FBXO33: variants seen among roughly 807,000 people sequenced by gnomAD.
The protein encoded by FBXO33 is F-box only protein 33.
FBXO33 carries 22 observed loss-of-function variants against 46.3 expected under a neutral mutation model. The observed-to-expected ratio is 0.48, with a 90% CI of 0.34 to 0.68. The LOEUF (loss-of-function observed/expected upper bound fraction) is 0.68. FBXO33 is among the 30% of genes least tolerant of loss of function. The pLI, the probability that FBXO33 is intolerant of heterozygous loss-of-function variation, is 0.01. For missense variants in FBXO33, 692 were observed against 708.8 expected (o/e 0.98, Z 0.27); for synonymous variants, 337 against 291.3 (o/e 1.16, Z -1.60).
rs58903755 is a variant in FBXO33 at position 39,402,677 on chromosome 14, A to AT, written c.600-167dup. On this transcript the variant is annotated intron_variant, in intron 1 of 3. Coordinates refer to ENST00000298097, the MANE Select transcript of FBXO33 (RefSeq NM_203301.4). ...CAGATTGCTTTATACATATATTCAGATTTTTTTTTTTTTTTTTTTTTTTGA... is the reference window on the plus strand; with the variant it reads ...CAGATTGCTTTATACATATATTCAGATTTTTTTTTTTTTTTTTTTTTTTTGA... Among the ~76,000 whole-genome samples, 461 of 82,928 alleles carry AT rather than the reference A, an allele frequency of 5.6e-3. 9 individuals carry two copies. The highest frequency in any genetic ancestry group is 0.041 in the East Asian group (114 of 2,772). The allele number at this position is 82,928 out of a possible 152,430, so 54.4% of individuals were successfully genotyped here. A position where few individuals can be genotyped will look rare whatever the true frequency, so the allele number is the denominator to read the frequency against.
intron 1 of FBXO33, among the ~76,000 whole-genome samples, chr14:39,414,025 T>C: frequency 6.6e-6 from 1 of 152,220 alleles, no homozygotes; most frequent in East Asian, 1.9e-4. Context: ...CTTTTGACGC[T>C]TTTAAAGTCA....
Position 39,432,071 on chromosome 14 carries a change from C to CGCA in FBXO33, c.89_91dup (p.Leu30dup). 8.0e-7 allele frequency: 1 copy of CGCA among 1,243,790 alleles called. No individual in the cohort carries two copies. Among genetic ancestry groups the CGCA allele is most frequent in the African/African-American group, 1.6e-5 (1 of 64,114 alleles). The allele number at this position is 1,243,790 out of a possible 1,614,324, so 77.0% of individuals were successfully genotyped here. ...CCGCAGCCGTCGCAGCTGCTGCAGC[C>CGCA]GCAGCCGCCGCCACCGCGCCACCCG... On this transcript the variant is annotated inframe_insertion, in exon 1 of 4. Coordinates refer to ENST00000298097, the MANE Select transcript of FBXO33 (RefSeq NM_203301.4).
rs749738165 is a variant in FBXO33, at chr14:39,401,410, G to A, written c.1162C>T (p.Leu388=). The A allele has an allele frequency of 6.2e-6, 10 of 1,614,038 alleles. No homozygotes were observed. The highest frequency in any genetic ancestry group is 8.5e-6 in the Non-Finnish European group (10 of 1,180,022). ...DIKSEDMLKI[L]KPSIPLERIH... is the part of the protein sequence containing the mutation. ...CTCTCTAGTGGTATACTGGGTTTCA[G>A]AATCTTTAACATATCTTCACTCTTG... is the stretch of plus-strand genomic sequence containing the variant. The change falls in exon 3 of 4, where the codon CTG becomes TTG. Residue 388 remains leucine (L), a synonymous_variant. Transcript: ENST00000298097.
chr14:39,407,943 C>G (rs752386485), intron 1 of FBXO33, among the ~76,000 whole-genome samples: 14 of 152,160 alleles, frequency 9.2e-5, no homozygotes, highest in Admixed American at 2.0e-4. Context: ...TACATCCTCA[C>G]AAATGTCTAT....
At chr14:39,413,387 C>T (rs552876699) in intron 1 of FBXO33, among the ~76,000 whole-genome samples, 130 of 152,330 alleles carry the variant, frequency 8.5e-4, no homozygotes, top group African/African-American at 3.0e-3. Context: ...ATTTTCACCA[C>T]ATCTACAGTG....
chr14:39,431,803 C>A lies in FBXO33; in HGVS notation c.360G>T (p.Ala120=), dbSNP rs748297357. Residue 120 remains alanine, a synonymous_variant, in exon 1 of 4, where the codon GCG becomes GCT. Coordinates refer to ENST00000298097, the MANE Select transcript of FBXO33 (RefSeq NM_203301.4). ...TGAGGAATTCCAGCCGAGGCTGCTCCGCGGGCGAGACGCGGAGGCAGATGC... is the reference window on the plus strand; with the variant it reads ...TGAGGAATTCCAGCCGAGGCTGCTCAGCGGGCGAGACGCGGAGGCAGATGC... ...QLRICLRVSP[A]EQPRLEFLMR... The A allele has an allele frequency of 6.2e-7, 1 of 1,611,480 alleles. No homozygotes were observed. The highest frequency in any genetic ancestry group is 1.3e-5 in the African/African-American group (1 of 74,938).
intron 1 of FBXO33, among the ~76,000 whole-genome samples, chr14:39,421,931 T>C (rs1340271736): frequency 6.6e-6 from 1 of 152,212 alleles, no homozygotes; most frequent in Non-Finnish European, 1.5e-5. Context: ...TAATTCTTTG[T>C]ACTTTATTCC....
At chr14:39,419,487 A>C (rs1258378089) in intron 1 of FBXO33, among the ~76,000 whole-genome samples, 1 of 152,188 alleles carries the variant, frequency 6.6e-6, no homozygotes, top group Non-Finnish European at 1.5e-5. Context: ...GATAGTAAAG[A>C]GACTGAGAAG....
rs2075553954 is a variant in FBXO33 at position 39,431,669 on chromosome 14, C to G, written c.494G>C (p.Gly165Ala). Residue 165 changes from glycine (G) to alanine (A), a missense_variant, in exon 1 of 4, where the codon GGA becomes GCA. Gly to Ala is a moderately conservative substitution (Grantham distance 60). Around this residue, in one of 3 missense-constraint regions of FBXO33, gnomAD observed 412 missense variants for 370.8 expected, o/e 1.11. Transcript: ENST00000298097. Reference sequence around the variant, plus strand: ...CTGCAGGGCCTCGACTTCCTCCCCTCCAGTCCCGGTGTCCGCGCCACCTCC... The same window carrying G: ...CTGCAGGGCCTCGACTTCCTCCCCTGCAGTCCCGGTGTCCGCGCCACCTCC... ...GDGGGADTGT[G>A]GEEVEALQLS... 6.2e-7 allele frequency: 1 copy of G among 1,613,620 alleles called. No homozygotes were observed. The highest frequency in any genetic ancestry group is 1.3e-5 in the African/African-American group (1 of 75,062).
rs767265944 is a variant in FBXO33 at position 39,398,369 on chromosome 14, T to C, written c.*1147A>G. On this transcript the variant is annotated 3_prime_UTR_variant, in exon 4 of 4. Coordinates refer to ENST00000298097, the MANE Select transcript of FBXO33 (RefSeq NM_203301.4). ...TTCATGGAATGTTCTTCATGTATCA[T>C]AGCAGCTCATACCTGTGATAGAACA... 6.6e-6 allele frequency: 1 copy of C among 152,596 alleles called. No homozygotes were observed. The highest frequency in any genetic ancestry group is 1.5e-5 in the Non-Finnish European group (1 of 68,038). 9.5% of individuals were successfully genotyped at this position (152,596 alleles called of 1,614,324 possible).
At chr14:39,402,906 C>CATG (rs1022928655) in intron 1 of FBXO33, among the ~76,000 whole-genome samples, 1 of 151,954 alleles carries the variant, frequency 6.6e-6, no homozygotes, top group Non-Finnish European at 1.5e-5. Flanking sequence ...TACAAAGCAA[C>CATG]ATGATACAGG....
At chr14:39,426,971 C>T (rs1347393856) in intron 1 of FBXO33, among the ~76,000 whole-genome samples, 1 of 152,190 alleles carries the variant, frequency 6.6e-6, no homozygotes, top group Non-Finnish European at 1.5e-5. Context: ...GCATGTCTTC[C>T]CCGCCTGGCA....
chr14:39,429,280 A>T (rs925416391), intron 1 of FBXO33, among the ~76,000 whole-genome samples: 3 of 152,242 alleles, frequency 2.0e-5, no homozygotes, highest in African/African-American at 7.2e-5. Context: ...AATGCTTATG[A>T]TCTGGTATGA....
chr14:39,430,211 G>A (rs896148858), intron 1 of FBXO33, among the ~76,000 whole-genome samples: 1 of 152,238 alleles, frequency 6.6e-6, no homozygotes. Flanking sequence ...AGCTTCAATG[G>A]CCTCTCCTGC....
In FBXO33 at chr14:39,401,354, AAC is replaced by A. The variant is rs2075367614; in HGVS notation, c.1216_1217del (p.Val406PhefsTer6). The A allele has an allele frequency of 6.2e-7, 1 of 1,614,026 alleles. No homozygotes were observed. The highest frequency in any genetic ancestry group is 8.5e-7 in the Non-Finnish European group (1 of 1,180,026). ...ATATAAGATCAACAATAGCCCCTGAAACACAAGTGATATAGCTATCAAAATGA... is the reference window on the plus strand; with the variant it reads ...ATATAAGATCAACAATAGCCCCTGAAACAAGTGATATAGCTATCAAAATGA... Reference protein sequence around the residue: ...RIHFDSYITCVSGAIVDLISR... With the variant: ...RIHFDSYITCXSGAIVDLISR... On this transcript the variant is annotated frameshift_variant, in exon 3 of 4. Coordinates refer to ENST00000298097, the MANE Select transcript of FBXO33 (RefSeq NM_203301.4). LOFTEE classifies it high-confidence loss of function.
In FBXO33 at chr14:39,399,036, A is replaced by G. The variant is rs1437020062; in HGVS notation, c.*480T>C. 6.5e-6 allele frequency: 1 copy of G among 152,698 alleles called. No homozygotes were observed. The highest frequency in any genetic ancestry group is 1.5e-5 in the Non-Finnish European group (1 of 68,120). The allele number at this position is 152,698 out of a possible 1,614,324, so 9.5% of individuals were successfully genotyped here. On this transcript the variant is annotated 3_prime_UTR_variant, in exon 4 of 4. Transcript: ENST00000298097. Reference sequence around the variant, plus strand: ...TTGGCTTTTCTGTTACAGATAATTCATTTGGGATATTATTTATCTTCCATT... The same window carrying G: ...TTGGCTTTTCTGTTACAGATAATTCGTTTGGGATATTATTTATCTTCCATT...
chr14:39,420,444 G>T (rs982080674), intron 1 of FBXO33, among the ~76,000 whole-genome samples: 1 of 152,126 alleles, frequency 6.6e-6, no homozygotes. Flanking sequence ...TAATCTCAGC[G>T]CTTTGGGAGG....
chr14:39,431,121 TGAG>T (rs763017156), intron 1 of FBXO33, among the ~76,000 whole-genome samples: 3 of 152,236 alleles, frequency 2.0e-5, no homozygotes, highest in Non-Finnish European at 2.9e-5. Context: ...CAGCGTCCTA[TGAG>T]TACCTACTCC....
At chr14:39,425,173 A>T (rs2075506174) in intron 1 of FBXO33, among the ~76,000 whole-genome samples, 1 of 152,024 alleles carries the variant, frequency 6.6e-6, no homozygotes, top group Non-Finnish European at 1.5e-5. Flanking sequence ...TTCTTCTCAG[A>T]CTCCTGTTAG....
Sources: gnomAD v4.1 joint callset for allele counts (sites outside exome capture counted in the v4.1 genomes callset) on GRCh38, gnomAD v4.1.1 for gene constraint, gnomAD v4.1.1 regional missense constraint, MANE v1.5 for transcripts, NCBI Gene and HGNC (gene_info 2026-07-23, HGNC 2026-07-21) for gene names.